BMERB1: variants seen among roughly 807,000 people sequenced by gnomAD.
The protein encoded by BMERB1 is bMERB domain containing 1, also known as bMERB domain-containing protein 1.
A neutral mutation model predicts 23.6 loss-of-function variants in BMERB1; 12 were observed. The observed-to-expected ratio is 0.51, with a 90% CI of 0.33 to 0.82. The LOEUF (loss-of-function observed/expected upper bound fraction) is 0.82. Among genes scored for constraint, BMERB1 ranks in the 40% least tolerant of loss-of-function variants. BMERB1 has a pLI of 0.03. For missense variants in BMERB1, 247 were observed against 255.4 expected, an observed-to-expected ratio of 0.97 and a Z score of 0.22; for synonymous variants, 122 against 96.6, an observed-to-expected ratio of 1.26 and a Z score of -1.54.
intron 1 of BMERB1, among the ~76,000 whole-genome samples, chr16:15,450,076 A>C (rs6498556): frequency 0.98 from 149,019 of 152,030 alleles, 73,114 homozygotes; most frequent in Middle Eastern, 1. Flanking sequence ...CTGTACAAGG[A>C]TAGATACTAT....
intron 2 of BMERB1, among the ~76,000 whole-genome samples, chr16:15,546,536 C>T (rs1206047299): frequency 2.0e-5 from 3 of 152,066 alleles, no homozygotes; most frequent in African/African-American, 4.8e-5. Context: ...TTTCTGTTAC[C>T]AGTTACAGGG....
At chr16:15,556,145 T>C (rs549634853) in intron 2 of BMERB1, among the ~76,000 whole-genome samples, 97 of 150,130 alleles carry the variant, frequency 6.5e-4, no homozygotes, top group African/African-American at 2.4e-3. Context: ...GCCATTGCAC[T>C]ACAGCCTGGA....
chr16:15,504,689 G>C (rs1436427354), intron 1 of BMERB1, among the ~76,000 whole-genome samples: 1 of 151,868 alleles, frequency 6.6e-6, no homozygotes, highest in Non-Finnish European at 1.5e-5. Context: ...ATGGCTTCAA[G>C]TGATCCTCTT....
chr16:15,471,694 T>C (rs1286909677), intron 1 of BMERB1, among the ~76,000 whole-genome samples: 1 of 152,132 alleles, frequency 6.6e-6, no homozygotes, highest in Admixed American at 6.6e-5. Context: ...CAAGAGATCC[T>C]CCTGTCTCAG....
intron 3 of BMERB1, among the ~76,000 whole-genome samples, chr16:15,570,586 T>C (rs1458587022): frequency 6.6e-6 from 1 of 152,068 alleles, no homozygotes; most frequent in South Asian, 2.1e-4. Flanking sequence ...GGGATCCTGA[T>C]CCAGACCCCA....
In BMERB1 at chr16:15,517,053, C is replaced by A. The variant is rs986034890; in HGVS notation, c.230+1625C>A. 2.0e-5 allele frequency among the ~76,000 whole-genome samples: 3 copies of A among 152,348 alleles called. No individual in the cohort carries two copies. The East Asian group carries it at 5.8e-4, about 29-fold the overall frequency. ...CCCTTTGCATGTGCAAGACCGTGAG[C>A]TAAATGCTTCCCATGCATAATTCCT... is the stretch of plus-strand genomic sequence containing the variant. On this transcript the variant is annotated intron_variant, in intron 2 of 5. Coordinates refer to ENST00000300006, the MANE Select transcript of BMERB1 (RefSeq NM_033201.3).
intron 2 of BMERB1, chr16:15,532,899 G>A: frequency 4.7e-6 from 2 of 425,510 alleles, no homozygotes; most frequent in South Asian, 3.3e-5. Flanking sequence ...GTTGCTTTCT[G>A]ATAAATAGAC....
chr16:15,483,967 A>C (rs764598519), intron 1 of BMERB1, among the ~76,000 whole-genome samples: 2 of 152,234 alleles, frequency 1.3e-5, no homozygotes, highest in African/African-American at 2.4e-5. Flanking sequence ...ACATGGTGCC[A>C]GCATCTGATT....
chr16:15,466,005 G>C (rs180891209), intron 1 of BMERB1, among the ~76,000 whole-genome samples: 2 of 152,182 alleles, frequency 1.3e-5, no homozygotes, highest in Admixed American at 1.3e-4. Context: ...ATAATAGGTT[G>C]TTTTCCATTT....
chr16:15,579,950 G>T (rs1251672006), intron 3 of BMERB1, among the ~76,000 whole-genome samples: 1 of 152,184 alleles, frequency 6.6e-6, no homozygotes, highest in Non-Finnish European at 1.5e-5. Context: ...AATTTAGTAT[G>T]CAGGATGTGC....
chr16:15,524,588 C>G (rs1479836956), intron 2 of BMERB1, among the ~76,000 whole-genome samples: 2 of 151,908 alleles, frequency 1.3e-5, no homozygotes, highest in African/African-American at 4.8e-5. Context: ...GCCAACATGG[C>G]AAAACCCCAT....
chr16:15,542,919 T>C (rs2052099948), intron 2 of BMERB1, among the ~76,000 whole-genome samples: 1 of 152,082 alleles, frequency 6.6e-6, no homozygotes, highest in Admixed American at 6.6e-5. Flanking sequence ...TGTGTTACAA[T>C]TAATACTCTT....
At chr16:15,502,566 C>G (rs1325174832) in intron 1 of BMERB1, among the ~76,000 whole-genome samples, 1 of 152,058 alleles carries the variant, frequency 6.6e-6, no homozygotes, top group Non-Finnish European at 1.5e-5. Flanking sequence ...TGGTGCATCC[C>G]GTAATAGGAT....
At position 15,438,510 on chromosome 16, in the gene BMERB1, G is replaced by A. The variant is rs184386702; in HGVS notation, c.106+3751G>A. On this transcript the variant is annotated intron_variant, in intron 1 of 5. Transcript: ENST00000300006. ...AGGGTCTTGCTCTGTCGCCCAGGCT[G>A]GAGTGCAGTGGCACAATCAGCTCAC... Among the ~76,000 whole-genome samples, 531 of 148,934 alleles carry A rather than the reference G, an allele frequency of 3.6e-3. 4 individuals are homozygous for A. The highest frequency in any genetic ancestry group is 0.012 in the African/African-American group (502 of 40,388).
In BMERB1 at chr16:15,447,117, A is replaced by G. The variant is rs566546380; in HGVS notation, c.106+12358A>G. On this transcript the variant is annotated intron_variant, in intron 1 of 5. Coordinates refer to ENST00000300006, the MANE Select transcript of BMERB1 (RefSeq NM_033201.3). ...GTTTTCTCATCTGTAAAATGGGGAT[A>G]ATAACAGGATCTGCCCCAAAGGATG... Among the ~76,000 whole-genome samples the G allele has an allele frequency of 2.6e-5, 4 of 152,306 alleles. No individual in the cohort carries two copies. In the East Asian group the frequency reaches 7.7e-4, roughly 29 times the overall value.
At chr16:15,493,289 T>C (rs1598470036) in intron 1 of BMERB1, among the ~76,000 whole-genome samples, 1 of 152,020 alleles carries the variant, frequency 6.6e-6, no homozygotes, top group African/African-American at 2.4e-5. Context: ...GAGGCGGAGG[T>C]TGCAGTGAGC....
intron 1 of BMERB1, among the ~76,000 whole-genome samples, chr16:15,453,566 A>G (rs1341518106): frequency 6.6e-6 from 1 of 152,090 alleles, no homozygotes; most frequent in Non-Finnish European, 1.5e-5. Context: ...TGGGCAATAG[A>G]GTGAGACCCT....
intron 5 of BMERB1, among the ~76,000 whole-genome samples, chr16:15,585,643 A>G (rs564971670): frequency 1.4e-3 from 213 of 152,154 alleles, no homozygotes; most frequent in Non-Finnish European, 2.7e-3. Context: ...CAGCCTGACC[A>G]ATATGGTGAA....
chr16:15,560,092 G>A (rs2030376033), intron 2 of BMERB1, among the ~76,000 whole-genome samples: 1 of 152,216 alleles, frequency 6.6e-6, no homozygotes. Context: ...GGTAGAGAGA[G>A]AGAGAGAAGA....
Sources: gnomAD v4.1 joint callset for allele counts (sites outside exome capture counted in the v4.1 genomes callset) on GRCh38, gnomAD v4.1.1 for gene constraint, MANE v1.5 for transcripts, NCBI Gene and HGNC (gene_info 2026-07-23, HGNC 2026-07-21) for gene names.